GPBP1L1: variants seen among roughly 807,000 people sequenced by gnomAD.
GPBP1L1 encodes GC-rich promoter binding protein 1 like 1.
A neutral mutation model predicts 52.5 loss-of-function variants in GPBP1L1; 23 were observed. That is an observed-to-expected ratio of 0.44 (90% CI 0.32 to 0.62). The LOEUF is 0.62. GPBP1L1 is among the 20% of genes least tolerant of loss of function. The pLI is 0.06. For missense variants in GPBP1L1, 596 were observed against 579.3 expected (o/e 1.03, Z -0.30); for synonymous variants, 243 against 203.1 (o/e 1.20, Z -1.67).
intron 1 of GPBP1L1, among the ~76,000 whole-genome samples, chr1:45,685,931 A>T (rs1645275798): frequency 6.6e-6 from 1 of 152,198 alleles, no homozygotes; most frequent in Non-Finnish European, 1.5e-5. Context: ...AGAGAACCGG[A>T]AAGCTGGGGG....
At chr1:45,663,050 C>CA (rs66502921) in intron 2 of GPBP1L1, among the ~76,000 whole-genome samples, 87,964 of 117,368 alleles carry the variant, frequency 0.75, 32,408 homozygotes, top group African/African-American at 0.78. Context: ...GACTCTGTCT[C>CA]AAAAAAAAAA....
At chr1:45,651,406 C>T in intron 6 of GPBP1L1, 1 of 391,830 alleles carries the variant, frequency 2.6e-6, no homozygotes, top group South Asian at 2.3e-5. Context: ...TGGTGAAGTG[C>T]TGACTCCTGC....
intron 2 of GPBP1L1, among the ~76,000 whole-genome samples, chr1:45,679,443 TA>T (rs1385616754): frequency 1.3e-5 from 2 of 152,070 alleles, no homozygotes; most frequent in Non-Finnish European, 2.9e-5. Flanking sequence ...GTCCCCAAAG[TA>T]AAGGGCATCT....
intron 2 of GPBP1L1, among the ~76,000 whole-genome samples, chr1:45,673,359 T>C (rs901844100): frequency 3.3e-4 from 50 of 152,172 alleles, no homozygotes; most frequent in African/African-American, 1.2e-3. Flanking sequence ...AAGAATGAAC[T>C]ACAGAGATAC....
chr1:45,677,857 G>C (rs1042246869), intron 2 of GPBP1L1, among the ~76,000 whole-genome samples: 1 of 152,198 alleles, frequency 6.6e-6, no homozygotes, highest in Admixed American at 6.5e-5. Flanking sequence ...AAGTGTTAAT[G>C]AAGATGAGGC....
chr1:45,683,473 G>A (rs1035329416), intron 2 of GPBP1L1, among the ~76,000 whole-genome samples: 7 of 150,814 alleles, frequency 4.6e-5, no homozygotes, highest in Non-Finnish European at 7.4e-5. Context: ...CCAAAGTGCT[G>A]GGATTACAGG....
intron 2 of GPBP1L1, among the ~76,000 whole-genome samples, chr1:45,663,240 C>G (rs1644968569): frequency 6.6e-6 from 1 of 152,058 alleles, no homozygotes. Context: ...CTAGTTTAAA[C>G]CACAGAGAAC....
At chr1:45,659,950 G>GA (rs1213276850) in intron 3 of GPBP1L1, among the ~76,000 whole-genome samples, 1 of 151,742 alleles carries the variant, frequency 6.6e-6, no homozygotes, top group Non-Finnish European at 1.5e-5. Flanking sequence ...CAAGATGGGG[G>GA]AAAAAAAGAT....
intron 2 of GPBP1L1, among the ~76,000 whole-genome samples, chr1:45,679,049 T>C (rs1262558284): frequency 1.3e-5 from 2 of 152,176 alleles, no homozygotes; most frequent in African/African-American, 4.8e-5. Flanking sequence ...TACCCTTACA[T>C]TGCTTCTGTA....
At chr1:45,634,557 C>T in intron 8 of GPBP1L1, 2 of 201,852 alleles carry the variant, frequency 9.9e-6, no homozygotes. Flanking sequence ...TTTCTCAAAG[C>T]ACTTAACTGC....
chr1:45,641,378 C>T lies in GPBP1L1; in HGVS notation c.551-975G>A, dbSNP rs544352910. Among the ~76,000 whole-genome samples, 7 of 151,010 alleles carry T rather than the reference C, an allele frequency of 4.6e-5. No individual in the cohort carries two copies. In the East Asian group the frequency reaches 5.9e-4, roughly 13 times the overall value. Reference sequence around the variant, plus strand: ...TCGCACCACTGCACTCTAGCCTGGGCGACAGAGTGAGATTCTGTCTCAAAA... The same window carrying T: ...TCGCACCACTGCACTCTAGCCTGGGTGACAGAGTGAGATTCTGTCTCAAAA... On this transcript the variant is annotated intron_variant, in intron 7 of 12. Transcript: ENST00000355105.
chr1:45,684,272 A>G (rs1369417066), intron 2 of GPBP1L1, among the ~76,000 whole-genome samples: 3 of 150,958 alleles, frequency 2.0e-5, no homozygotes, highest in Non-Finnish European at 3.0e-5. Flanking sequence ...AAAAAAAAAA[A>G]AAAAAGAAAA....
chr1:45,672,879 A>T (rs749113312), intron 2 of GPBP1L1, among the ~76,000 whole-genome samples: 1 of 152,192 alleles, frequency 6.6e-6, no homozygotes, highest in Admixed American at 6.5e-5. Context: ...AGTGTCAGTG[A>T]TGATGTTGGA....
intron 2 of GPBP1L1, among the ~76,000 whole-genome samples, chr1:45,671,865 A>G (rs1645077250): frequency 6.6e-6 from 1 of 151,908 alleles, no homozygotes; most frequent in South Asian, 2.1e-4. Context: ...AATTTTAAAA[A>G]CAACTGTCAA....
At chr1:45,683,990 G>A (rs769536467) in intron 2 of GPBP1L1, among the ~76,000 whole-genome samples, 1 of 151,714 alleles carries the variant, frequency 6.6e-6, no homozygotes, top group Non-Finnish European at 1.5e-5. Context: ...GGGGGCGGTG[G>A]CTCATGACTA....
chr1:45,674,142 T>C (rs892578620), intron 2 of GPBP1L1, among the ~76,000 whole-genome samples: 3 of 152,182 alleles, frequency 2.0e-5, no homozygotes, highest in East Asian at 1.9e-4. Flanking sequence ...ACATGTTCCT[T>C]AGCAAAACCC....
chr1:45,643,655 T>C (rs1016834053), intron 6 of GPBP1L1, among the ~76,000 whole-genome samples: 7 of 138,390 alleles, frequency 5.1e-5, no homozygotes, highest in East Asian at 4.4e-4. Flanking sequence ...GGTAGGAGAA[T>C]GGCTTTTTTT....
intron 6 of GPBP1L1, among the ~76,000 whole-genome samples, chr1:45,643,168 T>TGAATTCCAAAGCTGGAAAAACGG (rs1553180138): frequency 1.2e-4 from 19 of 152,168 alleles, no homozygotes; most frequent in Non-Finnish European, 4.4e-5. Flanking sequence ...TCCTTAAAGA[T>TGAATTCCAAAGCTGGAAAAACGG]GAATTCCAAA....
intron 2 of GPBP1L1, among the ~76,000 whole-genome samples, chr1:45,678,622 C>T (rs930435644): frequency 6.6e-6 from 1 of 152,074 alleles, no homozygotes; most frequent in Admixed American, 6.5e-5. Context: ...CATAAGGATG[C>T]AATCATACCA....
Sources: allele counts gnomAD v4.1 joint callset (sites outside exome capture counted in the v4.1 genomes callset), GRCh38; gene constraint gnomAD v4.1.1; transcripts MANE v1.5; gene names NCBI Gene and HGNC (gene_info 2026-07-23, HGNC 2026-07-21).